Variants in SIN3A observed in about 807,000 individuals in gnomAD.
SIN3A encodes the protein paired amphipathic helix protein Sin3a.
In SIN3A, 14 loss-of-function variants were observed where a neutral mutation model predicts 146.1. The observed-to-expected ratio is 0.10, with a 90% CI of 0.06 to 0.15. The LOEUF (loss-of-function observed/expected upper bound fraction) is 0.15, where lower values mean the gene tolerates loss of function less well. Ranked by LOEUF, SIN3A falls within the 10% of genes least tolerant of loss-of-function variation. SIN3A has a pLI of 1.00. For missense variants in SIN3A, 1,028 were observed against 1,576.0 expected (o/e 0.65, Z 5.89); for synonymous variants, 572 against 572.0 (o/e 1.00, Z 0.00).
chr15:75,437,980 C>T (rs560758433), intron 1 of SIN3A, among the ~76,000 whole-genome samples: 1 of 152,170 alleles, frequency 6.6e-6, no homozygotes, highest in East Asian at 1.9e-4. Context: ...GATTGCACCA[C>T]TGCACTCCAG....
upstream of SIN3A, among the ~76,000 whole-genome samples, chr15:75,454,631 C>T (rs1197847115): frequency 1.3e-5 from 2 of 151,930 alleles, no homozygotes; most frequent in South Asian, 2.1e-4. Flanking sequence ...TTCCCAGTTT[C>T]CGACCTTCAC....
intron 1 of SIN3A, among the ~76,000 whole-genome samples, chr15:75,440,982 C>CA (rs769091157): frequency 0.42 from 29,663 of 71,244 alleles, 5,975 homozygotes; most frequent in African/African-American, 0.6. Flanking sequence ...GACTCTGTCT[C>CA]AAAAAAAAAA....
At chr15:75,413,462 C>A (rs1483907670) in intron 4 of SIN3A, among the ~76,000 whole-genome samples, 1 of 152,088 alleles carries the variant, frequency 6.6e-6, no homozygotes, top group African/African-American at 2.4e-5. Flanking sequence ...GAAAACAGAT[C>A]ATCTACGCAT....
chr15:75,384,165 T>A, intron 17 of SIN3A, 99 bp downstream of exon 17: 2 of 915,406 alleles, frequency 2.2e-6, no homozygotes, highest in Non-Finnish European at 3.3e-6. Flanking sequence ...AGGAGTAGAA[T>A]CACAGGTCAA....
intron 19 of SIN3A, chr15:75,376,276 T>C (rs1443604818): frequency 5.0e-6 from 1 of 201,600 alleles, no homozygotes; most frequent in East Asian, 1.3e-4. Flanking sequence ...TCATGATAGA[T>C]TTGTCTTATT....
chr15:75,445,068 T>A (rs2074280858), intron 1 of SIN3A, among the ~76,000 whole-genome samples: 2 of 151,190 alleles, frequency 1.3e-5, no homozygotes, highest in Admixed American at 1.3e-4. Flanking sequence ...CTATTTAATA[T>A]AAGAAATATA....
rs767080621 is a variant in SIN3A at position 75,407,108 on chromosome 15, T to A, written c.1354A>T (p.Met452Leu). ...PKLLNLKDSSMADASKHGGGT... is the reference protein window; with the variant it reads ...PKLLNLKDSSLADASKHGGGT... ...CCACCATGTTTGCTGGCATCTGCCA[T>A]AGAAGAATCCTTCAGATTGAGCAGT... The change falls in exon 9 of 21, where the codon ATG (methionine) becomes TTG (leucine). Residue 452 changes from methionine (M) to leucine (L), a missense_variant. Met to Leu is a conservative substitution (Grantham distance 15, BLOSUM62 2). Transcript: ENST00000394947. 2.5e-5 allele frequency: 40 copies of A among 1,613,132 alleles called. No individual in the cohort carries two copies. Among genetic ancestry groups the A allele is most frequent in the Non-Finnish European group, 3.2e-5 (38 of 1,179,508 alleles).
chr15:75,407,167 T>C (rs1056635100), intron 8 of SIN3A, 23 bp from the exon 9 acceptor site: 2 of 1,510,908 alleles, frequency 1.3e-6, no homozygotes, highest in Admixed American at 1.7e-5. Flanking sequence ...GATACAAACA[T>C]GTGAGATTCA....
chr15:75,433,851 A>C (rs1249339068), intron 1 of SIN3A, among the ~76,000 whole-genome samples: 1 of 152,116 alleles, frequency 6.6e-6, no homozygotes, highest in Non-Finnish European at 1.5e-5. Context: ...ATTACCACTC[A>C]AAGTTCTATT....
chr15:75,431,952 T>C (rs1256220290), intron 1 of SIN3A, among the ~76,000 whole-genome samples: 1 of 152,254 alleles, frequency 6.6e-6, no homozygotes, highest in African/African-American at 2.4e-5. Flanking sequence ...GCCACAAATA[T>C]GCTCTCTGTG....
rs535854479 is a variant in SIN3A, at chr15:75,396,187, G to C, written c.2093+71C>G. ...TGGGACAACCAGGTTGAAAATGAGAGCCTTATTTAATGAGACACTGAACCG... is the reference window on the plus strand; with the variant it reads ...TGGGACAACCAGGTTGAAAATGAGACCCTTATTTAATGAGACACTGAACCG... On this transcript the variant is annotated intron_variant, in intron 13 of 20. Coordinates refer to ENST00000394947, the MANE Select transcript of SIN3A (RefSeq NM_001145358.2). 4.7e-5 allele frequency: 51 copies of C among 1,089,160 alleles called. No homozygotes were observed. In the East Asian group the frequency reaches 9.6e-4, roughly 20 times the overall value. The allele number at this position is 1,089,160 out of a possible 1,614,324, so 67.5% of individuals were successfully genotyped here.
At chr15:75,395,674 G>C (rs564711063) in intron 13 of SIN3A, among the ~76,000 whole-genome samples, 58 of 152,238 alleles carry the variant, frequency 3.8e-4, no homozygotes, top group African/African-American at 1.3e-3. Context: ...CAAGGCAGGA[G>C]GATTGCTTGA....
Position 75,377,500 on chromosome 15 carries a change from CTGT to C in SIN3A, c.3384-1631_3384-1629del, listed in dbSNP as rs765354637. 5.3e-5 allele frequency among the ~76,000 whole-genome samples: 8 copies of C among 152,020 alleles called. No individual in the cohort carries two copies. The East Asian group carries it at 1.5e-3, about 29-fold the overall frequency. ...ATTAGCCGGGAGTGGTGGCGCGCAC[CTGT>C]AATCCCAGCTATTCGGGAGGGTGAG... On this transcript the variant is annotated intron_variant, in intron 19 of 20. Transcript: ENST00000394947.
chr15:75,375,765 T>C lies in SIN3A; in HGVS notation c.3491A>G (p.Lys1164Arg), dbSNP rs1448088687. 8.1e-6 allele frequency: 13 copies of C among 1,614,068 alleles called. No individual in the cohort carries two copies. Among genetic ancestry groups the C allele is most frequent in the Non-Finnish European group, 1.0e-5 (12 of 1,180,018 alleles). Reference protein sequence around the residue: ...KTMENVDSLDKLECRFKLNSY... With the variant: ...KTMENVDSLDRLECRFKLNSY... ...ATTCAGCTTGAATCTACACTCCAGC[T>C]TATCCAGACTATCCACATTCTCCAT... Residue 1164 changes from lysine to arginine, a missense_variant, in exon 20 of 21, where the codon AAG becomes AGG. By Grantham distance (26) the Lys-to-Arg change is conservative (BLOSUM62 2). Around this residue, in one of 9 missense-constraint regions of SIN3A, gnomAD observed 488 missense variants for 690.2 expected, o/e 0.71. Coordinates refer to ENST00000394947, the MANE Select transcript of SIN3A (RefSeq NM_001145358.2).
chr15:75,373,600 T>A (rs1454376113), intron 20 of SIN3A, among the ~76,000 whole-genome samples: 1 of 152,104 alleles, frequency 6.6e-6, no homozygotes, highest in Admixed American at 6.6e-5. Context: ...TTTCTCTAAC[T>A]TACTTTATTG....
intron 5 of SIN3A, 120 bp downstream of exon 5, chr15:75,412,638 TTTCTA>T (rs1301886227): frequency 4.0e-6 from 4 of 1,011,292 alleles, no homozygotes; most frequent in Non-Finnish European, 5.6e-6. Context: ...ATACAGCATT[TTTCTA>T]TGACGAAATC....
intron 9 of SIN3A, among the ~76,000 whole-genome samples, chr15:75,402,765 G>A (rs997200959): frequency 6.6e-6 from 1 of 151,994 alleles, no homozygotes; most frequent in Admixed American, 6.6e-5. Context: ...CTCCCAAGTA[G>A]GTGGGATTAC....
At chr15:75,403,058 T>C (rs574344748) in intron 9 of SIN3A, among the ~76,000 whole-genome samples, 1 of 152,318 alleles carries the variant, frequency 6.6e-6, no homozygotes, top group Admixed American at 6.5e-5. Flanking sequence ...AGTAACTGGC[T>C]AGAATTGGGA....
chr15:75,434,686 C>T (rs1023849141), intron 1 of SIN3A, among the ~76,000 whole-genome samples: 32 of 149,292 alleles, frequency 2.1e-4, no homozygotes, highest in African/African-American at 7.4e-4. Context: ...CCGTGGCTCA[C>T]ACTTGCAATC....
Sources: allele counts gnomAD v4.1 joint callset (sites outside exome capture counted in the v4.1 genomes callset), GRCh38; gene constraint gnomAD v4.1.1; regional missense constraint gnomAD v4.1.1; transcripts MANE v1.5; gene names NCBI Gene and HGNC (gene_info 2026-07-23, HGNC 2026-07-21).